Variants in CDKN2A observed in about 807,000 individuals in gnomAD.
CDKN2A encodes the protein cyclin dependent kinase inhibitor 2A.
In CDKN2A, 3 loss-of-function variants were observed where a neutral mutation model predicts 11.1. The observed-to-expected ratio is 0.27, with a 90% CI of 0.12 to 0.70. The LOEUF (loss-of-function observed/expected upper bound fraction) is 0.70, where lower values mean the gene tolerates loss of function less well. CDKN2A is among the 30% of genes least tolerant of loss of function. The pLI, the probability that CDKN2A is intolerant of heterozygous loss-of-function variation, is 0.77. For synonymous variants in CDKN2A, 122 were observed against 108.1 expected, an observed-to-expected ratio of 1.13 and a Z score of -0.80; for missense variants, 265 against 233.6, an observed-to-expected ratio of 1.13 and a Z score of -0.88.
chr9:21,974,470 T>TG lies in CDKN2A; in HGVS notation c.150+207dup. 3 of 1,583,166 alleles carry TG rather than the reference T, an allele frequency of 1.9e-6. No homozygotes were observed. The highest frequency in any genetic ancestry group is 1.7e-6 in the Non-Finnish European group (2 of 1,153,198). On this transcript the variant is annotated intron_variant, in intron 1 of 2. Transcript: ENST00000304494. The surrounding 1 kb of genome is among the most constrained non-coding windows in gnomAD (Gnocchi z 5.2). ...AGCATTCGAGAGATCTGTACGCGCGTGGCTCCTCATTCCTCTTCCTTGGCT... is the reference window on the plus strand; with the variant it reads ...AGCATTCGAGAGATCTGTACGCGCGTGGGCTCCTCATTCCTCTTCCTTGGCT...
chr9:21,991,889 T>G lies in CDKN2A; in HGVS notation c.-4+1993A>C. 1.0e-6 allele frequency: 1 copy of G among 985,314 alleles called. No individual in the cohort carries two copies. The highest frequency in any genetic ancestry group is 1.7e-5 in the African/African-American group (1 of 57,352). The allele number at this position is 985,314 out of a possible 1,614,324, so 61.0% of individuals were successfully genotyped here. On this transcript the variant is annotated intron_variant, in intron 2 of 3. Coordinates refer to the CDKN2A transcript ENST00000494262. The surrounding 1 kb of genome is among the most constrained non-coding windows in gnomAD (Gnocchi z 5.2). ...TTATACTAACTGCACAGTGCTTACCTTGAGAGGACTCTGTGCTATTAAAGA... is the reference window on the plus strand; with the variant it reads ...TTATACTAACTGCACAGTGCTTACCGTGAGAGGACTCTGTGCTATTAAAGA...
At chr9:21,985,508 G>A (rs1276869941) in intron 2 of CDKN2A, among the ~76,000 whole-genome samples, 1 of 151,860 alleles carries the variant, frequency 6.6e-6, no homozygotes, top group East Asian at 1.9e-4. Flanking sequence ...GGTCAAAACT[G>A]TTGATTCAGA....
At chr9:21,994,506 C>T in intron 1 of CDKN2A, 2 of 1,412,608 alleles carry the variant, frequency 1.4e-6, no homozygotes, top group Non-Finnish European at 1.9e-6. Context: ...CGCCCCCCAC[C>T]TTCACCCCCA....
rs182558871 is a variant in CDKN2A at position 21,967,839 on chromosome 9, C to A, written c.*390G>T. 6.3e-6 allele frequency: 2 copies of A among 319,738 alleles called. No individual in the cohort carries two copies. The highest frequency in any genetic ancestry group is 1.2e-5 in the Non-Finnish European group (2 of 171,894). 19.8% of individuals were successfully genotyped at this position (319,738 alleles called of 1,614,324 possible). Reference sequence around the variant, plus strand: ...GTGTGACTCAAGAGAAGCCAGTAACCCCCCTGAGCTTCCCTAGTTCACAAA... The same window carrying A: ...GTGTGACTCAAGAGAAGCCAGTAACACCCCTGAGCTTCCCTAGTTCACAAA... On this transcript the variant is annotated 3_prime_UTR_variant, in exon 3 of 3. Transcript: ENST00000304494.
At chr9:21,993,967 G>T (rs1820513379) in exon 2 of CDKN2A, 1 of 732,534 alleles carries the variant, frequency 1.4e-6, no homozygotes, top group African/African-American at 1.7e-5. Flanking sequence ...AGGTTCAATG[G>T]TACTGCGAGA....
chr9:21,982,408 T>C (rs1456302011), intron 2 of CDKN2A, among the ~76,000 whole-genome samples: 1 of 152,158 alleles, frequency 6.6e-6, no homozygotes, highest in Non-Finnish European at 1.5e-5. Context: ...AAAATATCTC[T>C]AGGGTGTACT....
At chr9:21,992,162 T>C (rs1419198409) in intron 2 of CDKN2A, 2 of 811,020 alleles carry the variant, frequency 2.5e-6, no homozygotes, top group Non-Finnish European at 3.0e-6. Context: ...TAACATCTTA[T>C]TTGCAATGAT....
intron 1 of CDKN2A, chr9:21,971,524 C>A: frequency 4.6e-6 from 2 of 435,598 alleles, no homozygotes; most frequent in South Asian, 4.3e-5. Context: ...CTGTATTTCC[C>A]CTGAGATACA....
At position 21,992,444 on chromosome 9, in the gene CDKN2A, T is replaced by C. The variant is rs948018472; in HGVS notation, c.-4+1438A>G. 1.2e-5 allele frequency: 12 copies of C among 983,020 alleles called. No individual in the cohort carries two copies. The African/African-American group carries it at 2.1e-4, about 17-fold the overall frequency. 60.9% of individuals were successfully genotyped at this position (983,020 alleles called of 1,614,324 possible). A position where few individuals can be genotyped will look rare whatever the true frequency, so the allele number is the denominator to read the frequency against. On this transcript the variant is annotated intron_variant, in intron 2 of 3. Coordinates refer to the CDKN2A transcript ENST00000494262. The stretch of plus-strand genomic sequence containing the variant: ...CTATCTTGAGAAACTTCCTGAAGAT[T>C]GCGCTTTTCACATACGTCCTGAAAA...
In CDKN2A at chr9:21,988,774, C is replaced by T. The variant is rs1272377993; in HGVS notation, c.-4+5108G>A. On this transcript the variant is annotated intron_variant, in intron 2 of 3. Transcript: ENST00000494262. This position sits in a 1 kb window ranked among gnomAD's most constrained non-coding sequence, Gnocchi z 4.1. ...TAAATAAAAGTTGAAAAAAAATCTA[C>T]GAGGCACTATATTTTTAAAAATACC... is the stretch of plus-strand genomic sequence containing the variant. Among the ~76,000 whole-genome samples, 1 of 152,082 alleles carries T rather than the reference C, an allele frequency of 6.6e-6. No homozygotes were observed. The highest frequency in any genetic ancestry group is 1.5e-5 in the Non-Finnish European group (1 of 68,014).
rs745909781 is a variant in CDKN2A at position 21,971,255 on chromosome 9, G to A, written c.151-47C>T. 1.7e-5 allele frequency: 26 copies of A among 1,573,388 alleles called. No homozygotes were observed. The East Asian group carries it at 5.6e-4, about 34-fold the overall frequency. ...TCAGAGCCAGGGTGGGGGCCGGCAT[G>A]ACGGAAAGGAAGCTTGTGTAGAGCC... On this transcript the variant is annotated intron_variant, in intron 1 of 2. Coordinates refer to ENST00000304494, the MANE Select transcript of CDKN2A (RefSeq NM_000077.5).
rs757137815 is a variant in CDKN2A, at chr9:21,974,831, GCTCCCCGCCGCCCGCTGCCTGCT to G, written c.-27_-5del. ...TGCTCCCCGCCGCCGGCTCCATGCTGCTCCCCGCCGCCCGCTGCCTGCTCTCCCCCTCTCCGCAGCCGCCGAGC... is the reference window on the plus strand; with the variant it reads ...TGCTCCCCGCCGCCGGCTCCATGCTGCTCCCCCTCTCCGCAGCCGCCGAGC... On this transcript the variant is annotated 5_prime_UTR_variant, in exon 1 of 3. Coordinates refer to ENST00000304494, the MANE Select transcript of CDKN2A (RefSeq NM_000077.5). The surrounding 1 kb of genome is among the most constrained non-coding windows in gnomAD (Gnocchi z 5.2). The G allele has an allele frequency of 1.3e-6, 2 of 1,581,160 alleles. No homozygotes were observed. The highest frequency in any genetic ancestry group is 1.1e-5 in the South Asian group (1 of 88,554).
At chr9:21,970,559 T>C in intron 2 of CDKN2A, 2 of 543,182 alleles carry the variant, frequency 3.7e-6, no homozygotes, top group Non-Finnish European at 6.5e-6. Context: ...GGCCCTAGTT[T>C]GGAGGAAGAG....
chr9:21,982,560 G>A (rs1222455473), intron 2 of CDKN2A, among the ~76,000 whole-genome samples: 1 of 151,888 alleles, frequency 6.6e-6, no homozygotes, highest in Non-Finnish European at 1.5e-5. Context: ...AACACTAAAA[G>A]ATTAGCACAG....
In CDKN2A at chr9:21,974,822, C is replaced by T. The variant is rs777092073; in HGVS notation, c.6G>A (p.Glu2=). The change falls in exon 1 of 3, where the codon GAG becomes GAA. Residue 2 remains glutamate (E), a synonymous_variant. Coordinates refer to ENST00000304494, the MANE Select transcript of CDKN2A (RefSeq NM_000077.5). The surrounding 1 kb of genome is among the most constrained non-coding windows in gnomAD (Gnocchi z 5.2). M[E]PAAGSSMEPS... ...GCTCCATGCTGCTCCCCGCCGCCGG[C>T]TCCATGCTGCTCCCCGCCGCCCGCT... The T allele has an allele frequency of 1.9e-6, 3 of 1,592,118 alleles. No individual in the cohort carries two copies. Among genetic ancestry groups the T allele is most frequent in the Non-Finnish European group, 2.6e-6 (3 of 1,173,592 alleles).
chr9:21,975,934 C>T (rs545279440), upstream of CDKN2A, among the ~76,000 whole-genome samples: 81 of 152,294 alleles, frequency 5.3e-4, no homozygotes, highest in African/African-American at 1.9e-3. Context: ...ATGAGTGCCC[C>T]CTGCTTTATA....
chr9:21,991,848 C>T lies in CDKN2A; in HGVS notation c.-4+2034G>A. On this transcript the variant is annotated intron_variant, in intron 2 of 3. Coordinates refer to the CDKN2A transcript ENST00000494262. This position sits in a 1 kb window ranked among gnomAD's most constrained non-coding sequence, Gnocchi z 5.2. ...CAATACAAACTGTGAATCATGTACA[C>T]ATGGGGAATAATGGTTTATACTAAC... 2 of 985,148 alleles carry T rather than the reference C, an allele frequency of 2.0e-6. No individual in the cohort carries two copies. Among genetic ancestry groups the T allele is most frequent in the Non-Finnish European group, 2.4e-6 (2 of 829,706 alleles). The allele number at this position is 985,148 out of a possible 1,614,324, so 61.0% of individuals were successfully genotyped here. A position where few individuals can be genotyped will look rare whatever the true frequency, so the allele number is the denominator to read the frequency against.
chr9:21,968,867 T>C lies in CDKN2A; in HGVS notation c.458-625A>G. 1 of 1,233,408 alleles carries C rather than the reference T, an allele frequency of 8.1e-7. No individual in the cohort carries two copies. The highest frequency in any genetic ancestry group is 2.5e-5 in the East Asian group (1 of 39,486). The allele number at this position is 1,233,408 out of a possible 1,614,324, so 76.4% of individuals were successfully genotyped here. ...TGGGCTCCAGCTCGCCGTTCGGTTC[T>C]CCCGAGGCAGCATTTACACTTGAGA... On this transcript the variant is annotated intron_variant, in intron 2 of 2. Coordinates refer to ENST00000304494, the MANE Select transcript of CDKN2A (RefSeq NM_000077.5). This position sits in a 1 kb window ranked among gnomAD's most constrained non-coding sequence, Gnocchi z 4.7.
intron 2 of CDKN2A, among the ~76,000 whole-genome samples, chr9:21,989,048 C>A (rs953747346): frequency 6.6e-6 from 1 of 152,142 alleles, no homozygotes; most frequent in Non-Finnish European, 1.5e-5. Context: ...CCTGTAATTT[C>A]TTCTGTTTAT....
Sources: gnomAD v4.1 joint callset for allele counts (sites outside exome capture counted in the v4.1 genomes callset) on GRCh38, gnomAD v4.1.1 for gene constraint, Gnocchi (gnomAD v3.1) non-coding constraint, MANE v1.5 for transcripts, NCBI Gene and HGNC (gene_info 2026-07-23, HGNC 2026-07-21) for gene names.